DAB2: variants seen among roughly 807,000 people sequenced by gnomAD.
DAB2 encodes disabled homolog 2.
Under a neutral mutation model 71.6 loss-of-function variants are expected in DAB2, and 28 were observed. That is an observed-to-expected ratio of 0.39 (90% CI 0.29 to 0.54). The LOEUF is 0.54. DAB2 is among the 20% of genes least tolerant of loss of function. The pLI is 0.68. For synonymous variants in DAB2, 345 were observed against 339.7 expected, an observed-to-expected ratio of 1.02 and a Z score of -0.17; for missense variants, 867 against 928.8, an observed-to-expected ratio of 0.93 and a Z score of 0.86.
intron 9 of DAB2, chr5:39,385,539 A>G (rs2542713): frequency 2.4e-4 from 37 of 151,976 alleles, no homozygotes; most frequent in Non-Finnish European, 5.1e-4. Flanking sequence ...TCATCCACCC[A>G]CTTGGTCAGC....
intron 4 of DAB2, among the ~76,000 whole-genome samples, chr5:39,390,972 G>A (rs1755214044): frequency 6.6e-6 from 1 of 152,152 alleles, no homozygotes; most frequent in African/African-American, 2.4e-5. Flanking sequence ...TAAGCTAGAG[G>A]AGTGTTCACA....
Position 39,376,919 on chromosome 5 carries a change from G to A in DAB2, c.1868C>T (p.Pro623Leu). 2 of 1,614,158 alleles carry A rather than the reference G, an allele frequency of 1.2e-6. No individual in the cohort carries two copies. The highest frequency in any genetic ancestry group is 2.2e-5 in the South Asian group (2 of 91,080). ...SSLLVTPPQPPPRAGPPKDIS... is the reference protein window; with the variant it reads ...SSLLVTPPQPLPRAGPPKDIS... ...GTCCTTGGGAGGGCCAGCTCTGGGA[G>A]GTGGCTGAGGAGGAGTGACCAGGAG... The change falls in exon 12 of 15, where the codon CCT becomes CTT. Residue 623 changes from proline (P) to leucine (L), a missense_variant. Physicochemically the swap from Pro to Leu is moderately conservative, Grantham distance 98. Transcript: ENST00000320816.
At chr5:39,412,133 A>C (rs975705100) in intron 1 of DAB2, among the ~76,000 whole-genome samples, 2 of 152,128 alleles carry the variant, frequency 1.3e-5, no homozygotes, top group Admixed American at 1.3e-4. Context: ...GGGGGAAAAA[A>C]ACAAATGTCT....
intron 11 of DAB2, among the ~76,000 whole-genome samples, chr5:39,377,513 C>T (rs1754862138): frequency 6.6e-6 from 1 of 152,068 alleles, no homozygotes. Context: ...TTCTTCCTAC[C>T]ATGTCTTTTT....
rs1186959484 is a variant in DAB2, at chr5:39,422,845, A to T, written c.-102+1959T>A. On this transcript the variant is annotated intron_variant, in intron 1 of 14. Coordinates refer to ENST00000320816, the MANE Select transcript of DAB2 (RefSeq NM_001343.4). The surrounding 1 kb of genome is among the most constrained non-coding windows in gnomAD (Gnocchi z 4.1). ...GAAAGACAACAAACAGGCCTAATGC[A>T]CAGGAATTTGGACTTCCAGTTTAAT... is the stretch of plus-strand genomic sequence containing the variant. Among the ~76,000 whole-genome samples, 2 of 152,322 alleles carry T rather than the reference A, an allele frequency of 1.3e-5. No individual in the cohort carries two copies. The highest frequency in any genetic ancestry group is 1.3e-4 in the Admixed American group (2 of 15,306).
At chr5:39,408,447 A>T (rs940470150) in intron 1 of DAB2, 6 of 152,134 alleles carry the variant, frequency 3.9e-5, no homozygotes, top group African/African-American at 1.4e-4. Flanking sequence ...ATCTGATATG[A>T]TCTATTCGAG....
In DAB2 at chr5:39,381,484, G is replaced by C. The variant is rs766928442; in HGVS notation, c.1474C>G (p.Pro492Ala). 1 of 1,614,068 alleles carries C rather than the reference G, an allele frequency of 6.2e-7. No individual in the cohort carries two copies. The highest frequency in any genetic ancestry group is 8.5e-7 in the Non-Finnish European group (1 of 1,179,964). The stretch of plus-strand genomic sequence containing the variant: ...CCCACCAGGGGCCCCACTGGGGCAG[G>C]AGCACTTGTTTTGAAGAGATCCAGA... Reference protein sequence around the residue: ...NPLDLFKTSAPAPVGPLVGLG... With the variant: ...NPLDLFKTSAAAPVGPLVGLG... The change falls in exon 11 of 15, where the codon CCT (proline) becomes GCT (alanine). Residue 492 changes from proline to alanine, a missense_variant. Pro to Ala is a conservative substitution (Grantham distance 27). Coordinates refer to ENST00000320816, the MANE Select transcript of DAB2 (RefSeq NM_001343.4).
Position 39,372,231 on chromosome 5 carries a change from A to G in DAB2, c.*1200T>C, listed in dbSNP as rs1754716283. 6.6e-6 allele frequency: 1 copy of G among 152,218 alleles called. No homozygotes were observed. Among genetic ancestry groups the G allele is most frequent in the African/African-American group, 2.4e-5 (1 of 41,476 alleles). 9.4% of individuals were successfully genotyped at this position (152,218 alleles called of 1,614,324 possible). A position where few individuals can be genotyped will look rare whatever the true frequency, so the allele number is the denominator to read the frequency against. On this transcript the variant is annotated 3_prime_UTR_variant, in exon 15 of 15. Transcript: ENST00000320816. ...GTTTCCAAGTTGTGAGGAGAAAAAT[A>G]TTGCAGACATTAGATTTTCAATGGT...
At chr5:39,390,640 C>G in intron 4 of DAB2, 65 bp from the exon 5 acceptor site, 2 of 1,300,126 alleles carry the variant, frequency 1.5e-6, no homozygotes, top group Non-Finnish European at 2.2e-6. Context: ...GCTAGCACAC[C>G]GAAGCCTCAG....
chr5:39,393,533 A>T, intron 2 of DAB2, 140 bp from the exon 3 acceptor site: 1 of 883,604 alleles, frequency 1.1e-6, no homozygotes, highest in East Asian at 2.6e-5. Context: ...GTCCTGTCTT[A>T]TTCTTACTTC....
chr5:39,405,638 T>C (rs1755592884), intron 1 of DAB2, among the ~76,000 whole-genome samples: 1 of 152,208 alleles, frequency 6.6e-6, no homozygotes. Flanking sequence ...GTCTAGCGCA[T>C]AGCATGCTGC....
rs117072812 is a variant in DAB2 at position 39,406,650 on chromosome 5, A to G, written c.-101-12229T>C. On this transcript the variant is annotated intron_variant, in intron 1 of 14. Coordinates refer to ENST00000320816, the MANE Select transcript of DAB2 (RefSeq NM_001343.4). ...TTTTGGAAGAAGATTTTAGAAAGCT[A>G]AAGTGTTCATAGGCAACTGGAATGG... Among the ~76,000 whole-genome samples the G allele has an allele frequency of 5.5e-4, 84 of 152,348 alleles. No homozygotes were observed. The East Asian group carries it at 6.2e-3, about 11-fold the overall frequency.
intron 6 of DAB2, 144 bp downstream of exon 6, chr5:39,389,708 C>G: frequency 1.9e-6 from 1 of 532,074 alleles, no homozygotes; most frequent in Non-Finnish European, 3.3e-6. Context: ...GATGAGGTTT[C>G]GCCATGTTGG....
chr5:39,377,374 C>T, intron 11 of DAB2, 92 bp from the exon 12 acceptor site: 2 of 1,284,576 alleles, frequency 1.6e-6, no homozygotes, highest in South Asian at 2.9e-5. Context: ...AAAGCCTCTC[C>T]ACAGCTAACA....
intron 10 of DAB2, among the ~76,000 whole-genome samples, 176 bp from the exon 11 acceptor site, chr5:39,381,792 A>G (rs772047128): frequency 2.6e-5 from 4 of 152,220 alleles, no homozygotes; most frequent in Non-Finnish European, 2.9e-5. Flanking sequence ...AAAAAAAGAC[A>G]CAGATTCCTA....
intron 1 of DAB2, among the ~76,000 whole-genome samples, chr5:39,401,960 G>A (rs1755512602): frequency 6.6e-6 from 1 of 152,042 alleles, no homozygotes; most frequent in Admixed American, 6.6e-5. Flanking sequence ...TAAAGAAAAA[G>A]AGGTTTAACG....
intron 1 of DAB2, among the ~76,000 whole-genome samples, chr5:39,413,757 C>T (rs144292166): frequency 2.9e-4 from 44 of 152,238 alleles, no homozygotes; most frequent in Non-Finnish European, 4.1e-4. Context: ...TGGGGCGATG[C>T]GCTTTCTGTA....
intron 1 of DAB2, among the ~76,000 whole-genome samples, chr5:39,407,711 A>G (rs1755638062): frequency 6.6e-6 from 1 of 152,220 alleles, no homozygotes; most frequent in East Asian, 1.9e-4. Context: ...GCATATGCAT[A>G]TAAATCCTAA....
rs1021311901 is a variant in DAB2 at position 39,373,224 on chromosome 5, A to G, written c.*207T>C. On this transcript the variant is annotated 3_prime_UTR_variant, in exon 15 of 15. Coordinates refer to ENST00000320816, the MANE Select transcript of DAB2 (RefSeq NM_001343.4). Reference sequence around the variant, plus strand: ...GAGTTTAGGATCTTAATTTATTTAAAGCCATAGATTCAGTTTAGCTTTAAC... The same window carrying G: ...GAGTTTAGGATCTTAATTTATTTAAGGCCATAGATTCAGTTTAGCTTTAAC... The G allele has an allele frequency of 6.6e-6, 1 of 152,420 alleles. No homozygotes were observed. Among genetic ancestry groups the G allele is most frequent in the South Asian group, 2.1e-4 (1 of 4,828 alleles). The allele number at this position is 152,420 out of a possible 1,614,324, so 9.4% of individuals were successfully genotyped here. A position where few individuals can be genotyped will look rare whatever the true frequency, so the allele number is the denominator to read the frequency against.
Sources: allele counts gnomAD v4.1 joint callset (sites outside exome capture counted in the v4.1 genomes callset), GRCh38; gene constraint gnomAD v4.1.1; non-coding constraint Gnocchi (gnomAD v3.1); transcripts MANE v1.5; gene names NCBI Gene and HGNC (gene_info 2026-07-23, HGNC 2026-07-21).